The following KMT2E variants were observed in gnomAD, a reference collection of about 807,000 sequenced individuals.
KMT2E encodes the protein histone reader KMT2E.
A neutral mutation model predicts 184.6 loss-of-function variants in KMT2E; 30 were observed. That is an observed-to-expected ratio of 0.16 (90% CI 0.12 to 0.22). The LOEUF is 0.22. KMT2E is among the 10% of genes least tolerant of loss of function. KMT2E has a pLI of 1.00. For missense variants in KMT2E, 2,023 were observed against 2,237.4 expected (o/e 0.90, Z 1.93); for synonymous variants, 815 against 776.5 (o/e 1.05, Z -0.82).
chr7:105,077,716 T>C (rs1484332661), intron 11 of KMT2E: 3 of 292,774 alleles, frequency 1.0e-5, no homozygotes, highest in Non-Finnish European at 1.9e-5. Flanking sequence ...GCAATATAGG[T>C]TGGATATAGA....
chr7:105,071,592 ATATATATATATATATATTTTT>A (rs1291624748), intron 6 of KMT2E, among the ~76,000 whole-genome samples: 25 of 54,308 alleles, frequency 4.6e-4, no homozygotes, highest in African/African-American at 1.6e-3. Flanking sequence ...GTATATATAT[ATATATATATATATATATTTTT>A]TTTTTTTTTT....
chr7:105,047,167 G>T (rs916012079), intron 3 of KMT2E, among the ~76,000 whole-genome samples: 1 of 152,194 alleles, frequency 6.6e-6, no homozygotes, highest in African/African-American at 2.4e-5. Flanking sequence ...ATTAGAGACT[G>T]AGTGCCCAAA....
chr7:105,111,735 A>G (rs988778795), intron 26 of KMT2E, 90 bp from the exon 27 acceptor site: 34 of 1,402,186 alleles, frequency 2.4e-5, no homozygotes, highest in Non-Finnish European at 3.1e-5. Context: ...ATTAAAATTA[A>G]TATTTAGGTA....
chr7:105,085,328 C>G lies in KMT2E; in HGVS notation c.1358+3531C>G, dbSNP rs1797921719. On this transcript the variant is annotated intron_variant, in intron 13 of 26. Transcript: ENST00000311117. ...CACTGGGAGGCTGAGGCGGGTGGAT[C>G]ACCTGAGGTCAGGGGTTCAAAACCA... Among the ~76,000 whole-genome samples, 3 of 152,296 alleles carry G rather than the reference C, an allele frequency of 2.0e-5. No individual in the cohort carries two copies. In the South Asian group the frequency reaches 6.2e-4, roughly 32 times the overall value.
chr7:105,044,682 C>A (rs573939584), intron 3 of KMT2E, among the ~76,000 whole-genome samples: 1 of 152,082 alleles, frequency 6.6e-6, no homozygotes, highest in Non-Finnish European at 1.5e-5. Context: ...AATTCCAGTC[C>A]CACTGCACTC....
chr7:105,039,119 C>G (rs919452079), intron 2 of KMT2E: 1 of 152,194 alleles, frequency 6.6e-6, no homozygotes, highest in African/African-American at 2.4e-5. Context: ...AGTTTCATCT[C>G]AAGTTCTCTA....
chr7:105,047,005 G>A (rs1796135446), intron 3 of KMT2E, among the ~76,000 whole-genome samples: 1 of 152,214 alleles, frequency 6.6e-6, no homozygotes, highest in Non-Finnish European at 1.5e-5. Context: ...AGCGAAATCA[G>A]CAAAGGGAAA....
Position 105,091,244 on chromosome 7 carries a change from A to G in KMT2E, c.1652A>G (p.Glu551Gly). Residue 551 changes from glutamate to glycine, a missense_variant, in exon 15 of 27, where the codon GAA becomes GGA. Around this residue, in one of 8 missense-constraint regions of KMT2E, gnomAD observed 514 missense variants for 621.8 expected, o/e 0.83. Coordinates refer to ENST00000311117, the MANE Select transcript of KMT2E (RefSeq NM_182931.3). ...CCAGATTTTATTGATGATATAGAAG[A>G]AAAAACTCCTATTAGTAATGAAGTA... ...QEPDFIDDIE[E>G]KTPISNEVEM... The G allele has an allele frequency of 6.3e-7, 1 of 1,585,208 alleles. No homozygotes were observed. Among genetic ancestry groups the G allele is most frequent in the Non-Finnish European group, 8.7e-7 (1 of 1,154,866 alleles).
intron 17 of KMT2E, chr7:105,103,586 C>T (rs1227541466): frequency 6.6e-6 from 1 of 152,078 alleles, no homozygotes; most frequent in Non-Finnish European, 1.5e-5. Flanking sequence ...AATGGCAAAG[C>T]CAGGATTCAC....
At chr7:105,042,993 A>G (rs1795946851) in intron 3 of KMT2E, among the ~76,000 whole-genome samples, 1 of 152,200 alleles carries the variant, frequency 6.6e-6, no homozygotes, top group Non-Finnish European at 1.5e-5. Flanking sequence ...GGTTTTACCT[A>G]AGATCTAAGA....
chr7:105,086,120 G>T (rs367844257), intron 13 of KMT2E, among the ~76,000 whole-genome samples: 1 of 152,040 alleles, frequency 6.6e-6, no homozygotes, highest in Non-Finnish European at 1.5e-5. Context: ...AGATTAACCT[G>T]CATTGTGTGT....
intron 13 of KMT2E, among the ~76,000 whole-genome samples, chr7:105,088,316 A>G (rs944406015): frequency 1.3e-5 from 2 of 152,228 alleles, no homozygotes; most frequent in African/African-American, 2.4e-5. Context: ...TTGTCCTAAA[A>G]TCAAACATCT....
intron 14 of KMT2E, among the ~76,000 whole-genome samples, chr7:105,090,786 C>G (rs1050827763): frequency 6.6e-6 from 1 of 152,090 alleles, no homozygotes; most frequent in African/African-American, 2.4e-5. Flanking sequence ...AAACAAAAAA[C>G]AGGAGGGATC....
At chr7:105,025,721 C>T (rs915238782) in intron 1 of KMT2E, among the ~76,000 whole-genome samples, 8 of 152,092 alleles carry the variant, frequency 5.3e-5, no homozygotes, top group African/African-American at 1.9e-4. Flanking sequence ...CTAAGTATTA[C>T]GTAAACCAAT....
chr7:105,109,409 G>T (rs943245876), intron 23 of KMT2E, among the ~76,000 whole-genome samples, 181 bp downstream of exon 23: 1 of 152,168 alleles, frequency 6.6e-6, no homozygotes, highest in Non-Finnish European at 1.5e-5. Context: ...AATGTCGATT[G>T]TATTTATTCC....
intron 13 of KMT2E, among the ~76,000 whole-genome samples, chr7:105,087,074 CAT>C (rs1441344449): frequency 6.9e-6 from 1 of 145,938 alleles, no homozygotes; most frequent in African/African-American, 2.5e-5. Flanking sequence ...ATATATAATA[CAT>C]AATATATAGC....
intron 12 of KMT2E, among the ~76,000 whole-genome samples, chr7:105,081,423 TTTATTATTATTA>T (rs34070011): frequency 6.8e-6 from 1 of 147,782 alleles, no homozygotes; most frequent in African/African-American, 2.5e-5. Context: ...ATATAGTATT[TTTATTATTATTA>T]TTATTATTAT....
At chr7:105,056,668 G>A (rs1364357562) in intron 3 of KMT2E, among the ~76,000 whole-genome samples, 1 of 152,198 alleles carries the variant, frequency 6.6e-6, no homozygotes. Context: ...TCTATTGGAA[G>A]TTTGAATTAT....
chr7:105,022,907 A>G lies in KMT2E; in HGVS notation c.-189+8372A>G, dbSNP rs183296446. ...CATATGGGCTGCTTTTTAAATCACA[A>G]CAAATAAAATAAATTTTAAGGAAGA... On this transcript the variant is annotated intron_variant, in intron 1 of 26. Transcript: ENST00000311117. Among the ~76,000 whole-genome samples, 264 of 152,252 alleles carry G rather than the reference A, an allele frequency of 1.7e-3. 6 individuals carry two copies. The highest frequency in any genetic ancestry group is 6.2e-3 in the African/African-American group (257 of 41,550).
Sources: allele counts gnomAD v4.1 joint callset (sites outside exome capture counted in the v4.1 genomes callset), GRCh38; gene constraint gnomAD v4.1.1; regional missense constraint gnomAD v4.1.1; transcripts MANE v1.5; gene names NCBI Gene and HGNC (gene_info 2026-07-23, HGNC 2026-07-21).